The following FSTL5 variants were observed in gnomAD, a reference collection of about 807,000 sequenced individuals.
FSTL5 encodes follistatin like 5.
A neutral mutation model predicts 89.1 loss-of-function variants in FSTL5; 62 were observed. The observed-to-expected ratio is 0.70, with a 90% CI of 0.57 to 0.86. The LOEUF is 0.86. Among genes scored for constraint, FSTL5 ranks in the 40% least tolerant of loss-of-function variants. FSTL5 has a pLI of 0.00. For synonymous variants in FSTL5, 383 were observed against 346.2 expected (o/e 1.11, Z -1.18); for missense variants, 1,057 against 1,001.6 (o/e 1.06, Z -0.75).
At chr4:161,439,891 C>T (rs1312720411) in intron 15 of FSTL5, among the ~76,000 whole-genome samples, 2 of 152,028 alleles carry the variant, frequency 1.3e-5, no homozygotes, top group African/African-American at 2.4e-5. Flanking sequence ...CAGGTAGTTC[C>T]CCAAGTGAAT....
intron 2 of FSTL5, among the ~76,000 whole-genome samples, chr4:162,066,355 C>CTTCTTCTTCTTCTTATT: frequency 1.6e-5 from 1 of 61,166 alleles, no homozygotes; most frequent in Non-Finnish European, 3.4e-5. Flanking sequence ...TTCTTCTTCT[C>CTTCTTCTTCTTCTTATT]CTTCTTCTTC....
chr4:161,992,511 G>T (rs2111079962), intron 3 of FSTL5, among the ~76,000 whole-genome samples: 1 of 152,074 alleles, frequency 6.6e-6, no homozygotes, highest in Non-Finnish European at 1.5e-5. Context: ...GGAGGAGCAA[G>T]TATTCTGTTT....
intron 7 of FSTL5, among the ~76,000 whole-genome samples, chr4:161,616,815 ATG>A (rs150867016): frequency 0.049 from 7,420 of 151,662 alleles, 580 homozygotes; most frequent in African/African-American, 0.17. Context: ...ATGTTTACCT[ATG>A]TAACAAACCT....
intron 2 of FSTL5, among the ~76,000 whole-genome samples, chr4:162,040,594 C>T (rs1026204486): frequency 2.6e-5 from 4 of 152,112 alleles, no homozygotes; most frequent in Non-Finnish European, 5.9e-5. Flanking sequence ...TATGGTCACT[C>T]AGAATCCACT....
chr4:161,741,060 C>T (rs1315886270), intron 6 of FSTL5, among the ~76,000 whole-genome samples: 3 of 152,172 alleles, frequency 2.0e-5, no homozygotes, highest in African/African-American at 4.8e-5. Context: ...AAAGACCTGT[C>T]TCCTATTGTC....
chr4:161,756,222 A>G (rs1474445054), intron 6 of FSTL5, among the ~76,000 whole-genome samples: 1 of 152,110 alleles, frequency 6.6e-6, no homozygotes, highest in Non-Finnish European at 1.5e-5. Flanking sequence ...ACAACATTTT[A>G]TCATTGTTAT....
chr4:161,580,739 T>C (rs55773312), intron 8 of FSTL5, among the ~76,000 whole-genome samples: 55,167 of 152,006 alleles, frequency 0.36, 10,805 homozygotes, highest in East Asian at 0.71. Flanking sequence ...TTGAGTGTAG[T>C]TGATAAAGAT....
chr4:162,053,100 T>G (rs890888893), intron 2 of FSTL5, among the ~76,000 whole-genome samples: 1 of 151,736 alleles, frequency 6.6e-6, no homozygotes, highest in Non-Finnish European at 1.5e-5. Context: ...TATAGACACT[T>G]GTCTGTGTCT....
chr4:161,931,230 C>T (rs373873501), intron 3 of FSTL5, among the ~76,000 whole-genome samples: 10 of 151,894 alleles, frequency 6.6e-5, no homozygotes, highest in African/African-American at 2.4e-4. Context: ...TAGGATGTGT[C>T]ACTGGGACCG....
chr4:161,860,026 C>A (rs187689636), intron 4 of FSTL5, among the ~76,000 whole-genome samples: 1 of 152,300 alleles, frequency 6.6e-6, no homozygotes, highest in Non-Finnish European at 1.5e-5. Flanking sequence ...TTGTGGCTCA[C>A]CCCTGTAATC....
intron 7 of FSTL5, among the ~76,000 whole-genome samples, chr4:161,593,512 G>T (rs535002589): frequency 2.3e-4 from 34 of 150,956 alleles, no homozygotes; most frequent in Admixed American, 4.0e-4. Context: ...GAGAAAGAGA[G>T]AAAGAGATAA....
At position 161,589,474 on chromosome 4, in the gene FSTL5, C is replaced by T. The variant is rs184189509; in HGVS notation, c.895-1899G>A. ...CTGAGATTACAGGCATGAGCCACTA[C>T]GCCCAGCTAATTTTTGTATTTTTAG... On this transcript the variant is annotated intron_variant, in intron 7 of 15. Coordinates refer to ENST00000306100, the MANE Select transcript of FSTL5 (RefSeq NM_020116.5). Among the ~76,000 whole-genome samples, 37 of 152,144 alleles carry T rather than the reference C, an allele frequency of 2.4e-4. No homozygotes were observed. In the East Asian group the frequency reaches 5.1e-3, roughly 21 times the overall value.
chr4:161,735,659 A>T (rs1228426516), intron 6 of FSTL5, among the ~76,000 whole-genome samples: 1 of 152,174 alleles, frequency 6.6e-6, no homozygotes, highest in Non-Finnish European at 1.5e-5. Flanking sequence ...TATAGTATAA[A>T]TACTTTCATT....
chr4:161,532,040 T>C (rs1191715731), intron 10 of FSTL5, among the ~76,000 whole-genome samples: 2 of 151,674 alleles, frequency 1.3e-5, no homozygotes, highest in African/African-American at 4.8e-5. Context: ...CCGTCTCTAC[T>C]AAAAATACAA....
chr4:161,690,417 C>T (rs1171222930), intron 6 of FSTL5, among the ~76,000 whole-genome samples: 2 of 152,016 alleles, frequency 1.3e-5, no homozygotes, highest in East Asian at 1.9e-4. Context: ...TAATGCTCAG[C>T]ATATTTTTAT....
chr4:161,860,054 C>T (rs1390751694), intron 4 of FSTL5, among the ~76,000 whole-genome samples: 3 of 152,188 alleles, frequency 2.0e-5, no homozygotes, highest in East Asian at 1.9e-4. Context: ...TTTGGGAGGC[C>T]AAGGTGGGCG....
chr4:161,919,490 G>A lies in FSTL5; in HGVS notation c.409+914C>T, dbSNP rs566033806. Among the ~76,000 whole-genome samples, 115 of 152,228 alleles carry A rather than the reference G, an allele frequency of 7.6e-4. 1 individual carries two copies. The highest frequency in any genetic ancestry group is 2.2e-3 in the African/African-American group (93 of 41,544). On this transcript the variant is annotated intron_variant, in intron 4 of 15. Transcript: ENST00000306100. The stretch of plus-strand genomic sequence containing the variant: ...AATTTACCTTAATAGGTGGATGAGT[G>A]GAGTGTAATAAAATTATTTTTCAGC...
intron 10 of FSTL5, among the ~76,000 whole-genome samples, chr4:161,528,351 T>G (rs1182606796): frequency 7.0e-6 from 1 of 143,504 alleles, no homozygotes; most frequent in African/African-American, 2.5e-5. Flanking sequence ...ATTTCATGTT[T>G]AACATAAATA....
At chr4:161,935,719 C>G (rs575168405) in intron 3 of FSTL5, among the ~76,000 whole-genome samples, 5 of 152,182 alleles carry the variant, frequency 3.3e-5, no homozygotes, top group Admixed American at 1.3e-4. Context: ...TTCTCATGGT[C>G]CCCATATTCA....
Sources: gnomAD v4.1 joint callset for allele counts (sites outside exome capture counted in the v4.1 genomes callset) on GRCh38, gnomAD v4.1.1 for gene constraint, MANE v1.5 for transcripts, NCBI Gene and HGNC (gene_info 2026-07-23, HGNC 2026-07-21) for gene names.